Variants in ATP8A2 observed in about 807,000 individuals in gnomAD.
ATP8A2 encodes the protein ATPase phospholipid transporting 8A2, also known as phospholipid-transporting ATPase IB.
A neutral mutation model predicts 165.6 loss-of-function variants in ATP8A2; 100 were observed. The ratio of observed to expected loss-of-function variants is 0.60; its 90% CI spans 0.51 to 0.71. ATP8A2 has a LOEUF of 0.71. Among genes scored for constraint, ATP8A2 ranks in the 30% least tolerant of loss-of-function variants. The pLI, the probability that ATP8A2 is intolerant of heterozygous loss-of-function variation, is 0.00. For synonymous variants in ATP8A2, 543 were observed against 548.8 expected (o/e 0.99, Z 0.15); for missense variants, 1,227 against 1,479.5 (o/e 0.83, Z 2.80).
chr13:25,958,694 G>A (rs1955590208), intron 33 of ATP8A2, among the ~76,000 whole-genome samples: 1 of 152,158 alleles, frequency 6.6e-6, no homozygotes, highest in Non-Finnish European at 1.5e-5. Context: ...AAATTAGGAT[G>A]GTAGGAACCT....
intron 36 of ATP8A2, among the ~76,000 whole-genome samples, chr13:26,013,976 G>A (rs1273746488): frequency 1.3e-5 from 2 of 152,302 alleles, no homozygotes; most frequent in African/African-American, 2.4e-5. Context: ...AGGACACAAA[G>A]CAGAGGCTCA....
chr13:25,469,441 G>C (rs986540239), intron 2 of ATP8A2, among the ~76,000 whole-genome samples: 1 of 152,160 alleles, frequency 6.6e-6, no homozygotes, highest in African/African-American at 2.4e-5. Flanking sequence ...CTTCCTTCTC[G>C]GAACCCCTTC....
In ATP8A2 at chr13:25,882,428, G is replaced by C. The variant is rs867758372; in HGVS notation, c.3183+20020G>C. 3.9e-5 allele frequency among the ~76,000 whole-genome samples: 6 copies of C among 152,178 alleles called. No individual in the cohort carries two copies. The South Asian group carries it at 6.2e-4, about 16-fold the overall frequency. On this transcript the variant is annotated intron_variant, in intron 33 of 36. Transcript: ENST00000381655. ...CGCCATGGTCAGACGCAGCCTGTCAGTGTTTCCAAGTAAATAACCTGTTCG... is the reference window on the plus strand; with the variant it reads ...CGCCATGGTCAGACGCAGCCTGTCACTGTTTCCAAGTAAATAACCTGTTCG...
In ATP8A2 at chr13:25,564,016, C is replaced by T; in HGVS notation, c.1458C>T (p.Asn486=). The change falls in exon 16 of 37, where the codon AAC becomes AAT. Residue 486 remains asparagine (N), a synonymous_variant. Transcript: ENST00000381655. ...TTGATGACCCCAGGCTGTTGAAGAACATTGAGGATCGCCATGTAAGTGCTC... is the reference window on the plus strand; with the variant it reads ...TTGATGACCCCAGGCTGTTGAAGAATATTGAGGATCGCCATGTAAGTGCTC... ...CDFDDPRLLK[N]IEDRHPTAPC... 1 of 1,612,588 alleles carries T rather than the reference C, an allele frequency of 6.2e-7. No individual in the cohort carries two copies. The highest frequency in any genetic ancestry group is 8.5e-7 in the Non-Finnish European group (1 of 1,178,644).
chr13:25,472,571 A>G (rs9581351), intron 2 of ATP8A2, among the ~76,000 whole-genome samples: 12,957 of 152,202 alleles, frequency 0.085, 890 homozygotes, highest in African/African-American at 0.19. Context: ...CTAAAAGTTA[A>G]TGAAGCTATT....
At chr13:25,884,942 C>T (rs903195735) in intron 33 of ATP8A2, among the ~76,000 whole-genome samples, 3 of 152,094 alleles carry the variant, frequency 2.0e-5, no homozygotes, top group African/African-American at 4.8e-5. Flanking sequence ...AACACAGGAA[C>T]TCTCTACAGA....
rs58403530 is a variant in ATP8A2 at position 25,594,984 on chromosome 13, G to GTATATA, written c.2211+5303_2211+5308dup. ...TAAAGAAACTGTGGTGTGTGTGTGT[G>GTATATA]TATATATATATATATATATATATGT... is the stretch of plus-strand genomic sequence containing the variant. On this transcript the variant is annotated intron_variant, in intron 24 of 36. Transcript: ENST00000381655. 7.0e-3 allele frequency among the ~76,000 whole-genome samples: 1,000 copies of GTATATA among 142,804 alleles called. 16 individuals carry two copies. The highest frequency in any genetic ancestry group is 0.023 in the African/African-American group (885 of 38,512). The allele number at this position is 142,804 out of a possible 152,430, so 93.7% of individuals were successfully genotyped here.
At chr13:25,382,053 C>T (rs998901494) in intron 1 of ATP8A2, among the ~76,000 whole-genome samples, 4 of 152,166 alleles carry the variant, frequency 2.6e-5, no homozygotes, top group African/African-American at 4.8e-5. Context: ...AGTTTCACTG[C>T]CCTAAAAATC....
At chr13:25,777,604 G>C (rs1304739562) in intron 27 of ATP8A2, among the ~76,000 whole-genome samples, 2 of 152,034 alleles carry the variant, frequency 1.3e-5, no homozygotes, top group Non-Finnish European at 2.9e-5. Flanking sequence ...TGCCCTCTAA[G>C]ATACATAACT....
chr13:25,864,731 G>A (rs1416390684), intron 33 of ATP8A2, among the ~76,000 whole-genome samples: 8 of 152,254 alleles, frequency 5.3e-5, no homozygotes, highest in Non-Finnish European at 1.2e-4. Flanking sequence ...ATAGCTGGGT[G>A]AAACCGAGGT....
intron 25 of ATP8A2, among the ~76,000 whole-genome samples, chr13:25,731,999 C>T (rs979365699): frequency 2.6e-5 from 4 of 152,082 alleles, no homozygotes; most frequent in African/African-American, 7.2e-5. Context: ...TTCAGGACTC[C>T]GGGGTCCCTG....
At chr13:25,541,298 CT>C (rs1041576698) in intron 8 of ATP8A2, among the ~76,000 whole-genome samples, 6 of 151,600 alleles carry the variant, frequency 4.0e-5, no homozygotes, top group African/African-American at 9.7e-5. Context: ...TTGCTTTAGA[CT>C]TTTTTTTTCC....
chr13:25,549,518 A>C (rs916261260), intron 10 of ATP8A2, among the ~76,000 whole-genome samples: 3 of 149,110 alleles, frequency 2.0e-5, no homozygotes. Flanking sequence ...GCAGGCTGAC[A>C]CTCCTGTGTG....
Position 25,493,878 on chromosome 13 carries a change from C to T in ATP8A2, c.221+24757C>T, listed in dbSNP as rs530974643. 5.3e-5 allele frequency among the ~76,000 whole-genome samples: 8 copies of T among 152,096 alleles called. 1 individual carries two copies. In the South Asian group the frequency reaches 1.7e-3, roughly 32 times the overall value. On this transcript the variant is annotated intron_variant, in intron 2 of 36. Transcript: ENST00000381655. Reference sequence around the variant, plus strand: ...GGGCTAACCAGGAAAGGAGGGCTGCCAGTAGGTGAGCTCAGGTGCAATGTT... The same window carrying T: ...GGGCTAACCAGGAAAGGAGGGCTGCTAGTAGGTGAGCTCAGGTGCAATGTT...
chr13:25,553,971 C>G (rs747399771), intron 12 of ATP8A2, 51 bp downstream of exon 12: 4 of 1,566,224 alleles, frequency 2.6e-6, no homozygotes, highest in Admixed American at 3.7e-5. Flanking sequence ...TATTTCAGAG[C>G]CTTTGGCATT....
At chr13:25,400,365 GCTTT>G (rs978896660) in intron 1 of ATP8A2, among the ~76,000 whole-genome samples, 3 of 152,016 alleles carry the variant, frequency 2.0e-5, no homozygotes, top group Admixed American at 1.3e-4. Context: ...CCACTTCTTT[GCTTT>G]CTTTTTTTCT....
chr13:25,857,616 CA>C (rs1952210973), intron 30 of ATP8A2, among the ~76,000 whole-genome samples: 1 of 145,364 alleles, frequency 6.9e-6, no homozygotes, highest in Non-Finnish European at 1.5e-5. Context: ...CTCTGTTGCC[CA>C]GGCTGGAGTG....
At chr13:25,852,827 C>T (rs951545117) in intron 30 of ATP8A2, among the ~76,000 whole-genome samples, 1 of 151,404 alleles carries the variant, frequency 6.6e-6, no homozygotes, top group African/African-American at 2.4e-5. Flanking sequence ...TCACTTGTAC[C>T]TGGGAGGTGG....
chr13:25,387,789 C>A (rs1026039871), intron 1 of ATP8A2, among the ~76,000 whole-genome samples: 4 of 152,066 alleles, frequency 2.6e-5, no homozygotes, highest in African/African-American at 9.7e-5. Context: ...CTAGGCCTGG[C>A]GTGGTGGCTC....
Sources: allele counts gnomAD v4.1 joint callset (sites outside exome capture counted in the v4.1 genomes callset), GRCh38; gene constraint gnomAD v4.1.1; transcripts MANE v1.5; gene names NCBI Gene and HGNC (gene_info 2026-07-23, HGNC 2026-07-21).